The following CNTNAP5 variants were observed in gnomAD, a reference collection of about 807,000 sequenced individuals.
The protein encoded by CNTNAP5 is contactin associated protein family member 5.
A neutral mutation model predicts 150.2 loss-of-function variants in CNTNAP5; 72 were observed. That is an observed-to-expected ratio of 0.48 (90% CI 0.40 to 0.58). The LOEUF is 0.58. Ranked by LOEUF, CNTNAP5 falls within the 20% of genes least tolerant of loss-of-function variation. CNTNAP5 has a pLI of 0.00. For synonymous variants in CNTNAP5, 672 were observed against 619.8 expected, an observed-to-expected ratio of 1.08 and a Z score of -1.25; for missense variants, 1,636 against 1,626.2, an observed-to-expected ratio of 1.01 and a Z score of -0.10.
At chr2:124,862,932 C>A (rs571315031) in intron 19 of CNTNAP5, among the ~76,000 whole-genome samples, 31 of 152,262 alleles carry the variant, frequency 2.0e-4, no homozygotes, top group Non-Finnish European at 2.8e-4. Context: ...TTTGGAAGAA[C>A]TAGCTGAGGT....
At chr2:124,358,564 T>C (rs1022662913) in intron 3 of CNTNAP5, among the ~76,000 whole-genome samples, 140 of 152,306 alleles carry the variant, frequency 9.2e-4, no homozygotes, top group African/African-American at 3.1e-3. Flanking sequence ...GAGATAATCA[T>C]GTGGTTTTTG....
intron 1 of CNTNAP5, among the ~76,000 whole-genome samples, chr2:124,118,095 A>G (rs1350010568): frequency 6.6e-6 from 1 of 152,070 alleles, no homozygotes; most frequent in Non-Finnish European, 1.5e-5. Context: ...AAATGACACT[A>G]TTCTTTTAAA....
intron 13 of CNTNAP5, among the ~76,000 whole-genome samples, chr2:124,663,047 A>ATCTAACTC (rs1302630847): frequency 1.3e-5 from 2 of 152,220 alleles, no homozygotes; most frequent in Non-Finnish European, 2.9e-5. Context: ...TTACAAAACC[A>ATCTAACTC]TCTGAGTTAA....
chr2:124,358,698 C>G (rs1303702376), intron 3 of CNTNAP5, among the ~76,000 whole-genome samples: 2 of 152,166 alleles, frequency 1.3e-5, no homozygotes, highest in African/African-American at 4.8e-5. Context: ...CTGCTGGATT[C>G]ATTTTCCCAG....
intron 13 of CNTNAP5, among the ~76,000 whole-genome samples, chr2:124,731,585 A>G (rs1486661938): frequency 6.6e-6 from 1 of 151,908 alleles, no homozygotes; most frequent in Non-Finnish European, 1.5e-5. Context: ...AAAGAAAGGA[A>G]GGAGGGAGAG....
At chr2:124,629,948 A>C (rs965570303) in intron 12 of CNTNAP5, among the ~76,000 whole-genome samples, 3 of 150,118 alleles carry the variant, frequency 2.0e-5, no homozygotes. Context: ...AAAAAAAAAA[A>C]AAAAAAACTG....
chr2:124,326,530 A>G (rs998378241), intron 3 of CNTNAP5, among the ~76,000 whole-genome samples: 8 of 152,216 alleles, frequency 5.3e-5, no homozygotes, highest in African/African-American at 1.9e-4. Context: ...AGCTAAGAAC[A>G]TGGGCTCTGG....
At chr2:124,317,796 C>G (rs1689003751) in intron 3 of CNTNAP5, among the ~76,000 whole-genome samples, 1 of 152,172 alleles carries the variant, frequency 6.6e-6, no homozygotes, top group Non-Finnish European at 1.5e-5. Flanking sequence ...CAGACACACA[C>G]CATACACACG....
intron 8 of CNTNAP5, among the ~76,000 whole-genome samples, chr2:124,519,163 C>T (rs1027978947): frequency 6.6e-5 from 10 of 151,882 alleles, no homozygotes; most frequent in African/African-American, 1.7e-4. Context: ...GGTAGGTTAG[C>T]GGTGGTTGGC....
At chr2:124,192,118 A>T (rs1298704589) in intron 1 of CNTNAP5, among the ~76,000 whole-genome samples, 1 of 152,124 alleles carries the variant, frequency 6.6e-6, no homozygotes, top group Non-Finnish European at 1.5e-5. Context: ...GCAGATCCAC[A>T]TGCTCCATTT....
chr2:124,710,623 A>C lies in CNTNAP5; in HGVS notation c.2078-36606A>C, dbSNP rs572713442. 6.6e-4 allele frequency among the ~76,000 whole-genome samples: 101 copies of C among 152,240 alleles called. No homozygotes were observed. In the South Asian group the frequency reaches 0.021, roughly 31 times the overall value. On this transcript the variant is annotated intron_variant, in intron 13 of 23. Transcript: ENST00000682447. ...GCTGAAGATATGGCAATTTGCTTCC[A>C]TCTTTCCTGGACATTTTGCAGCCAA...
chr2:124,730,546 T>C (rs564272370), intron 13 of CNTNAP5, among the ~76,000 whole-genome samples: 2 of 152,158 alleles, frequency 1.3e-5, no homozygotes, highest in East Asian at 3.9e-4. Context: ...AACTAGTATG[T>C]TGTAAGTCTT....
intron 12 of CNTNAP5, among the ~76,000 whole-genome samples, chr2:124,639,377 G>C (rs1678042778): frequency 6.6e-6 from 1 of 152,144 alleles, no homozygotes; most frequent in African/African-American, 2.4e-5. Context: ...TCTTGTCTCT[G>C]AGTTTTCTTT....
At chr2:124,109,054 GCA>G (rs1683234494) in intron 1 of CNTNAP5, among the ~76,000 whole-genome samples, 1 of 152,170 alleles carries the variant, frequency 6.6e-6, no homozygotes, top group Admixed American at 6.5e-5. Context: ...ATCCCAAAAA[GCA>G]CAGAGATGTG....
At chr2:124,702,040 T>A (rs936380531) in intron 13 of CNTNAP5, among the ~76,000 whole-genome samples, 1 of 152,068 alleles carries the variant, frequency 6.6e-6, no homozygotes, top group African/African-American at 2.4e-5. Context: ...CTTTATGACT[T>A]ATCAGATATC....
chr2:124,271,055 T>C (rs564950262), intron 3 of CNTNAP5, among the ~76,000 whole-genome samples: 1 of 152,080 alleles, frequency 6.6e-6, no homozygotes, highest in Admixed American at 6.6e-5. Flanking sequence ...AGAACCCCTG[T>C]CCCTGTGGTC....
chr2:124,795,303 G>A (rs542546147), intron 18 of CNTNAP5, among the ~76,000 whole-genome samples: 48 of 152,140 alleles, frequency 3.2e-4, no homozygotes, highest in African/African-American at 1.1e-3. Flanking sequence ...GCTCAGAGAC[G>A]CACCTTCCAG....
chr2:124,636,600 A>G (rs1418153631), intron 12 of CNTNAP5, among the ~76,000 whole-genome samples: 1 of 152,072 alleles, frequency 6.6e-6, no homozygotes, highest in Non-Finnish European at 1.5e-5. Flanking sequence ...AAATTTAGTA[A>G]TAGCTTTCTG....
chr2:124,618,271 A>C (rs570326315), intron 12 of CNTNAP5, among the ~76,000 whole-genome samples: 2 of 152,266 alleles, frequency 1.3e-5, no homozygotes, highest in Admixed American at 1.3e-4. Flanking sequence ...AAATTAAAAA[A>C]AAAGATGAGC....
Sources: gnomAD v4.1 joint callset for allele counts (sites outside exome capture counted in the v4.1 genomes callset) on GRCh38, gnomAD v4.1.1 for gene constraint, MANE v1.5 for transcripts, NCBI Gene and HGNC (gene_info 2026-07-23, HGNC 2026-07-21) for gene names.